CUBN: variants seen among roughly 807,000 people sequenced by gnomAD.
CUBN encodes 460 kDa receptor.
In CUBN, 282 loss-of-function variants were observed where a neutral mutation model predicts 405.3. The ratio of observed to expected loss-of-function variants is 0.70; its 90% CI spans 0.63 to 0.77. The LOEUF is 0.77. Ranked by LOEUF, CUBN falls within the 30% of genes least tolerant of loss-of-function variation. CUBN has a pLI of 0.00. For synonymous variants in CUBN, 1,684 were observed against 1,617.0 expected, an observed-to-expected ratio of 1.04 and a Z score of -0.99; for missense variants, 4,514 against 4,475.2, an observed-to-expected ratio of 1.01 and a Z score of -0.25.
At chr10:17,125,238 G>A (rs1044254221) in intron 4 of CUBN, among the ~76,000 whole-genome samples, 1 of 151,676 alleles carries the variant, frequency 6.6e-6, no homozygotes. Context: ...CTATATATAT[G>A]CACATACATA....
chr10:16,985,790 G>A (rs1027817717), intron 29 of CUBN, among the ~76,000 whole-genome samples: 5 of 152,230 alleles, frequency 3.3e-5, no homozygotes, highest in Middle Eastern at 3.2e-3. Context: ...GAACTCTCTT[G>A]TTTCACTTCT....
At chr10:16,905,815 T>C (rs1383279090) in intron 50 of CUBN, among the ~76,000 whole-genome samples, 1 of 152,102 alleles carries the variant, frequency 6.6e-6, no homozygotes, top group Admixed American at 6.6e-5. Context: ...TCTCCAAGCA[T>C]ATGAAGAATA....
chr10:16,902,196 G>C (rs1211127646), intron 51 of CUBN, among the ~76,000 whole-genome samples: 18 of 125,892 alleles, frequency 1.4e-4, no homozygotes, highest in East Asian at 1.1e-3. Flanking sequence ...TGTATATATA[G>C]TATATATATT....
chr10:16,898,301 C>T (rs1841253272), intron 54 of CUBN, among the ~76,000 whole-genome samples: 1 of 152,080 alleles, frequency 6.6e-6, no homozygotes, highest in Non-Finnish European at 1.5e-5. Context: ...AGGAATCATG[C>T]TCTTCATTCT....
At chr10:16,944,224 T>C (rs1452893278) in intron 36 of CUBN, among the ~76,000 whole-genome samples, 1 of 152,204 alleles carries the variant, frequency 6.6e-6, no homozygotes, top group Non-Finnish European at 1.5e-5. Context: ...TAGAGACAAC[T>C]GCATGTAATT....
At chr10:16,873,956 C>A (rs1415457077) in intron 58 of CUBN, among the ~76,000 whole-genome samples, 2 of 152,126 alleles carry the variant, frequency 1.3e-5, no homozygotes, top group African/African-American at 4.8e-5. Flanking sequence ...CCTCATATGA[C>A]TGTTTTAAGA....
At chr10:17,092,622 T>C (rs1836290246) in intron 14 of CUBN, among the ~76,000 whole-genome samples, 1 of 152,172 alleles carries the variant, frequency 6.6e-6, no homozygotes, top group Non-Finnish European at 1.5e-5. Context: ...CTAATTATAG[T>C]GCATTAGCAT....
chr10:16,858,751 C>G (rs562154270), intron 59 of CUBN, among the ~76,000 whole-genome samples: 5 of 152,216 alleles, frequency 3.3e-5, no homozygotes, highest in Non-Finnish European at 7.3e-5. Flanking sequence ...GTAATCAAGA[C>G]AGTGTGATAT....
intron 1 of CUBN, 69 bp downstream of exon 1, chr10:17,129,575 G>A: frequency 6.2e-7 from 1 of 1,602,082 alleles, no homozygotes; most frequent in South Asian, 1.1e-5. Flanking sequence ...TTGTTTATCT[G>A]GCTATTTGGG....
chr10:16,998,118 G>A (rs946775831), intron 28 of CUBN, among the ~76,000 whole-genome samples: 3 of 152,054 alleles, frequency 2.0e-5, no homozygotes, highest in Non-Finnish European at 4.4e-5. Context: ...ACAAAACATC[G>A]TGACTCCAGG....
Position 17,115,454 on chromosome 10 carries a change from T to C in CUBN, c.720+17A>G. On this transcript the variant is annotated intron_variant, in intron 7 of 66. Coordinates refer to ENST00000377833, the MANE Select transcript of CUBN (RefSeq NM_001081.4). ...CATGGCTCTCTGCAAGGAGGCACAT[T>C]TGGGGAAGGGACCCACCTCTCCAGC... 6.2e-7 allele frequency: 1 copy of C among 1,613,312 alleles called. No individual in the cohort carries two copies. Among genetic ancestry groups the C allele is most frequent in the Non-Finnish European group, 8.5e-7 (1 of 1,179,816 alleles).
At chr10:16,838,628 TA>T (rs368475691) in intron 62 of CUBN, among the ~76,000 whole-genome samples, 16 of 152,370 alleles carry the variant, frequency 1.1e-4, no homozygotes, top group African/African-American at 3.6e-4. Flanking sequence ...CAGCCTTTTT[TA>T]AAGCTCAAAA....
chr10:16,851,487 G>A (rs758931857), intron 59 of CUBN, 44 bp from the exon 60 acceptor site: 13 of 1,535,804 alleles, frequency 8.5e-6, no homozygotes, highest in East Asian at 2.2e-5. Context: ...AAACAGAACC[G>A]ACCTTACATT....
intron 54 of CUBN, among the ~76,000 whole-genome samples, chr10:16,895,753 T>A (rs1841162837): frequency 6.6e-6 from 1 of 152,190 alleles, no homozygotes; most frequent in African/African-American, 2.4e-5. Flanking sequence ...TCCTTTTCCA[T>A]CCTTTTACTT....
rs2131416921 is a variant in CUBN at position 16,898,986 on chromosome 10, G to T, written c.8598+10C>A. 5 of 1,586,762 alleles carry T rather than the reference G, an allele frequency of 3.2e-6. No individual in the cohort carries two copies. The highest frequency in any genetic ancestry group is 3.3e-4 in the Middle Eastern group (2 of 6,018). ...AACTTGGCTCCAATTAAATGAACAA[G>T]TGTACTAACCTTCACGAAGCTATTC... On this transcript the variant is annotated intron_variant, in intron 54 of 66. Coordinates refer to ENST00000377833, the MANE Select transcript of CUBN (RefSeq NM_001081.4).
intron 31 of CUBN, among the ~76,000 whole-genome samples, chr10:16,955,419 T>G (rs1256237756): frequency 7.1e-6 from 1 of 141,670 alleles, no homozygotes. Flanking sequence ...GAAAATTACC[T>G]CTCTCTTTTT....
chr10:16,874,697 G>A (rs1564397670), intron 57 of CUBN, among the ~76,000 whole-genome samples, 194 bp from the exon 58 acceptor site: 2 of 152,178 alleles, frequency 1.3e-5, no homozygotes, highest in Non-Finnish European at 2.9e-5. Flanking sequence ...GAAGATGAAA[G>A]ACAGCAAGAG....
At chr10:17,027,357 C>T (rs1834695246) in intron 27 of CUBN, among the ~76,000 whole-genome samples, 1 of 152,030 alleles carries the variant, frequency 6.6e-6, no homozygotes, top group African/African-American at 2.4e-5. Context: ...GGGAAATAGT[C>T]ACAAGCTATT....
At chr10:16,971,038 A>T (rs1232203683) in intron 31 of CUBN, among the ~76,000 whole-genome samples, 1 of 152,236 alleles carries the variant, frequency 6.6e-6, no homozygotes, top group East Asian at 1.9e-4. Context: ...TTGAAAAAAC[A>T]GGATGGCTGG....
Sources: allele counts gnomAD v4.1 joint callset (sites outside exome capture counted in the v4.1 genomes callset), GRCh38; gene constraint gnomAD v4.1.1; transcripts MANE v1.5; gene names NCBI Gene and HGNC (gene_info 2026-07-23, HGNC 2026-07-21).